TAB2: variants seen among roughly 807,000 people sequenced by gnomAD.
TAB2 encodes the protein TGF-beta-activated kinase 1 and MAP3K7-binding protein 2.
In TAB2, 3 loss-of-function variants were observed where a neutral mutation model predicts 65.0. The ratio of observed to expected loss-of-function variants is 0.05; its 90% CI spans 0.02 to 0.12. TAB2 has a LOEUF of 0.12. Among genes scored for constraint, TAB2 ranks in the 10% least tolerant of loss-of-function variants. The probability of loss-of-function intolerance (pLI) is 1.00; values close to 1 mark genes in which losing one functional copy is unlikely to be tolerated. For missense variants in TAB2, 623 were observed against 840.3 expected (o/e 0.74, Z 3.20); for synonymous variants, 298 against 285.1 (o/e 1.05, Z -0.46).
At chr6:149,355,510 T>C (rs923817439) in intron 1 of TAB2, among the ~76,000 whole-genome samples, 5 of 151,814 alleles carry the variant, frequency 3.3e-5, no homozygotes, top group African/African-American at 1.2e-4. Context: ...CTACTAAAAA[T>C]GCAAAAATTA....
intron 1 of TAB2, among the ~76,000 whole-genome samples, chr6:149,359,869 A>G (rs965858118): frequency 6.6e-6 from 1 of 152,208 alleles, no homozygotes; most frequent in Admixed American, 6.5e-5. Flanking sequence ...AGCTCAGTAC[A>G]CTATCATTCT....
At chr6:149,365,990 G>A (rs1169895552) in intron 1 of TAB2, among the ~76,000 whole-genome samples, 1 of 151,930 alleles carries the variant, frequency 6.6e-6, no homozygotes, top group Non-Finnish European at 1.5e-5. Context: ...TTTGCTGAGA[G>A]TTCCAGGCAT....
chr6:149,272,426 A>G (rs1446559), intron 1 of TAB2, among the ~76,000 whole-genome samples: 133,169 of 152,236 alleles, frequency 0.87, 58,635 homozygotes, highest in African/African-American at 0.97. Context: ...GAGGCTCTAG[A>G]AGAGAATCCA....
chr6:149,229,192 G>A (rs1475206631), intron 1 of TAB2, among the ~76,000 whole-genome samples: 1 of 152,154 alleles, frequency 6.6e-6, no homozygotes, highest in East Asian at 1.9e-4. Flanking sequence ...GCAGGGAGCA[G>A]GGAGAGACAG....
intron 1 of TAB2, among the ~76,000 whole-genome samples, chr6:149,277,320 T>C (rs1371612603): frequency 6.6e-6 from 1 of 152,160 alleles, no homozygotes; most frequent in Non-Finnish European, 1.5e-5. Context: ...ATAAGATGCA[T>C]TCCTACAATG....
At chr6:149,346,187 A>C (rs1780291984) in intron 1 of TAB2, among the ~76,000 whole-genome samples, 1 of 152,172 alleles carries the variant, frequency 6.6e-6, no homozygotes, top group South Asian at 2.1e-4. Context: ...TATTAGTAGT[A>C]GCAAATATCC....
intron 1 of TAB2, among the ~76,000 whole-genome samples, chr6:149,318,273 C>CG (rs3056974): frequency 0.58 from 84,731 of 145,860 alleles, 25,976 homozygotes; most frequent in Middle Eastern, 0.75. Context: ...GGCGTCCGTG[C>CG]GGGGGGGGAG....
At chr6:149,380,295 A>G (rs1005655121) in intron 3 of TAB2, among the ~76,000 whole-genome samples, 1 of 152,216 alleles carries the variant, frequency 6.6e-6, no homozygotes, top group South Asian at 2.1e-4. Flanking sequence ...CTTATTTTAT[A>G]TTAAGTCTAT....
chr6:149,303,775 A>G (rs1183744823), intron 1 of TAB2, among the ~76,000 whole-genome samples: 3 of 152,218 alleles, frequency 2.0e-5, no homozygotes, highest in African/African-American at 7.2e-5. Flanking sequence ...CTTCACTGAA[A>G]TATTTGCTAT....
chr6:149,291,475 G>T (rs563074585), intron 1 of TAB2: 1 of 152,222 alleles, frequency 6.6e-6, no homozygotes, highest in Non-Finnish European at 1.5e-5. Flanking sequence ...CACTAAGTTT[G>T]GCATCCATAT....
At chr6:149,301,101 T>C (rs546467884) in intron 1 of TAB2, among the ~76,000 whole-genome samples, 75 of 152,306 alleles carry the variant, frequency 4.9e-4, no homozygotes, top group African/African-American at 1.7e-3. Flanking sequence ...GAGGTCCACA[T>C]TGGGATGGCT....
rs183884233 is a variant in TAB2, at chr6:149,257,829, G to A, written c.-121+39053G>A. 1.1e-4 allele frequency among the ~76,000 whole-genome samples: 16 copies of A among 152,082 alleles called. No individual in the cohort carries two copies. In the East Asian group the frequency reaches 1.2e-3, roughly 11 times the overall value. ...CTGGGGGAGCAAGACAAGCACAAGC[G>A]AGGGCAAGTGAATGCAACTCTAAGA... On this transcript the variant is annotated intron_variant, in intron 1 of 1. Transcript: ENST00000606202.
At chr6:149,234,202 T>C (rs1167730508) in intron 1 of TAB2, among the ~76,000 whole-genome samples, 1 of 152,220 alleles carries the variant, frequency 6.6e-6, no homozygotes, top group Non-Finnish European at 1.5e-5. Context: ...AGAAACCTAC[T>C]AAAAGCAGAC....
intron 1 of TAB2, among the ~76,000 whole-genome samples, chr6:149,360,567 CTG>C (rs1562433634): frequency 1.3e-5 from 2 of 152,230 alleles, no homozygotes; most frequent in Non-Finnish European, 1.5e-5. Flanking sequence ...ATCTCCAACA[CTG>C]GGGATCATAA....
At chr6:149,339,573 A>G (rs988539390) in intron 1 of TAB2, among the ~76,000 whole-genome samples, 1 of 146,296 alleles carries the variant, frequency 6.8e-6, no homozygotes, top group Admixed American at 7.2e-5. Context: ...GCACGGCCCA[A>G]TAATTAATCT....
chr6:149,340,262 G>A (rs1780073951), intron 1 of TAB2, among the ~76,000 whole-genome samples: 1 of 152,126 alleles, frequency 6.6e-6, no homozygotes, highest in Non-Finnish European at 1.5e-5. Flanking sequence ...CATCCTTTTG[G>A]CTAACATTAA....
At chr6:149,361,254 C>T (rs1780839658) in intron 1 of TAB2, among the ~76,000 whole-genome samples, 1 of 152,224 alleles carries the variant, frequency 6.6e-6, no homozygotes, top group Non-Finnish European at 1.5e-5. Flanking sequence ...TCTGCCTGGC[C>T]ACCCAGACTT....
chr6:149,320,684 G>A (rs930246390), intron 1 of TAB2, among the ~76,000 whole-genome samples: 2 of 151,308 alleles, frequency 1.3e-5, no homozygotes, highest in African/African-American at 4.9e-5. Context: ...TTTTTTTTGA[G>A]TTATATAAAC....
intron 1 of TAB2, among the ~76,000 whole-genome samples, chr6:149,303,017 C>T (rs533398473): frequency 9.8e-5 from 15 of 152,302 alleles, no homozygotes; most frequent in Admixed American, 3.3e-4. Context: ...TTGTGAACTG[C>T]GCATGCAGGG....
Sources: allele counts gnomAD v4.1 joint callset (sites outside exome capture counted in the v4.1 genomes callset), GRCh38; gene constraint gnomAD v4.1.1; transcripts MANE v1.5; gene names NCBI Gene and HGNC (gene_info 2026-07-23, HGNC 2026-07-21).